The following COL23A1 variants were observed in gnomAD, a reference collection of about 807,000 sequenced individuals.
The protein encoded by COL23A1 is collagen type XXIII alpha 1 chain, also known as collagen alpha-1(XXIII) chain.
Under a neutral mutation model 99.3 loss-of-function variants are expected in COL23A1, and 97 were observed. The observed-to-expected ratio is 0.98, with a 90% CI of 0.83 to 1.16. The LOEUF (loss-of-function observed/expected upper bound fraction) is 1.16, where lower values mean the gene tolerates loss of function less well. Among genes scored for constraint, COL23A1 ranks in the 50% most tolerant of loss-of-function variants. The pLI, the probability that COL23A1 is intolerant of heterozygous loss-of-function variation, is 0.00. For missense variants in COL23A1, 762 were observed against 757.4 expected (o/e 1.01, Z -0.07); for synonymous variants, 320 against 308.2 (o/e 1.04, Z -0.40).
Position 178,415,499 on chromosome 5 carries a change from C to T in COL23A1, c.362-108580G>A, listed in dbSNP as rs576426137. Among the ~76,000 whole-genome samples, 47 of 152,296 alleles carry T rather than the reference C, an allele frequency of 3.1e-4. No individual in the cohort carries two copies. Among genetic ancestry groups the T allele is most frequent in the African/African-American group, 1.1e-3 (47 of 41,572 alleles). ...TCTGCACAGGCTTGCTGCTGCCAGC[C>T]GGCCTCCACGAACACTTCTACTGTC... On this transcript the variant is annotated intron_variant, in intron 2 of 28. Coordinates refer to ENST00000390654, the MANE Select transcript of COL23A1 (RefSeq NM_173465.4). The surrounding 1 kb of genome is among the most constrained non-coding windows in gnomAD (Gnocchi z 4.6).
chr5:178,420,965 G>T (rs377276530), intron 2 of COL23A1, among the ~76,000 whole-genome samples: 6 of 149,094 alleles, frequency 4.0e-5, no homozygotes, highest in South Asian at 2.1e-4. Flanking sequence ...TCCCTGGCGT[G>T]GGGGGGTCAC....
chr5:178,367,831 A>G (rs972343316), intron 2 of COL23A1, among the ~76,000 whole-genome samples: 1 of 152,242 alleles, frequency 6.6e-6, no homozygotes, highest in African/African-American at 2.4e-5. Context: ...CAGGCTTCCC[A>G]GAGGTACGGG....
intron 1 of COL23A1, among the ~76,000 whole-genome samples, chr5:178,583,708 A>C (rs1193576443): frequency 6.6e-6 from 1 of 152,212 alleles, no homozygotes; most frequent in Non-Finnish European, 1.5e-5. Flanking sequence ...AGTTGCTGGA[A>C]GCTTCCCTGG....
At chr5:178,343,953 A>G (rs540782983) in intron 2 of COL23A1, among the ~76,000 whole-genome samples, 11 of 152,132 alleles carry the variant, frequency 7.2e-5, no homozygotes, top group East Asian at 1.9e-4. Flanking sequence ...GAGCCACCGT[A>G]CCCGGCCTAA....
chr5:178,375,375 T>A (rs1763017944), intron 2 of COL23A1, among the ~76,000 whole-genome samples: 3 of 152,216 alleles, frequency 2.0e-5, no homozygotes, highest in Non-Finnish European at 2.9e-5. Context: ...CCCTACCGAC[T>A]GCCTCCAGGC....
At chr5:178,462,941 C>T (rs569364180) in intron 2 of COL23A1, among the ~76,000 whole-genome samples, 74 of 152,332 alleles carry the variant, frequency 4.9e-4, no homozygotes, top group African/African-American at 1.7e-3. Flanking sequence ...AACAGGAAGG[C>T]GGCGTTTGCT....
At chr5:178,490,815 G>A (rs1354851840) in intron 2 of COL23A1, among the ~76,000 whole-genome samples, 2 of 152,130 alleles carry the variant, frequency 1.3e-5, no homozygotes, top group African/African-American at 4.8e-5. Context: ...TTTATGTTAT[G>A]TATGTTTTAC....
At chr5:178,253,767 C>A (rs569145043) in intron 16 of COL23A1, among the ~76,000 whole-genome samples, 2 of 152,050 alleles carry the variant, frequency 1.3e-5, no homozygotes, top group Admixed American at 6.5e-5. Context: ...AGGCGGGAGC[C>A]GCCGCGCCCG....
intron 2 of COL23A1, among the ~76,000 whole-genome samples, chr5:178,358,107 GTA>G (rs1166584390): frequency 2.5e-4 from 37 of 149,488 alleles, no homozygotes; most frequent in East Asian, 2.0e-4. Flanking sequence ...TAATGTGTGT[GTA>G]TGTGTATGTG....
At chr5:178,466,861 A>G (rs1454438188) in intron 2 of COL23A1, among the ~76,000 whole-genome samples, 1 of 152,196 alleles carries the variant, frequency 6.6e-6, no homozygotes, top group Non-Finnish European at 1.5e-5. Flanking sequence ...AAGTCCGAGG[A>G]AGGCAGCAGA....
chr5:178,358,571 A>T (rs112828642), intron 2 of COL23A1, among the ~76,000 whole-genome samples: 1 of 135,960 alleles, frequency 7.4e-6, no homozygotes. Context: ...TGTATGTCTA[A>T]TGTGTATGTG....
intron 1 of COL23A1, among the ~76,000 whole-genome samples, chr5:178,581,673 A>C (rs1354560000): frequency 2.0e-5 from 3 of 152,182 alleles, no homozygotes; most frequent in African/African-American, 7.2e-5. Context: ...CTTTCCCCTC[A>C]AAACCACTGA....
In COL23A1 at chr5:178,290,388, G is replaced by C. The variant is rs748683515; in HGVS notation, c.407-19C>G. 63 of 1,612,574 alleles carry C rather than the reference G, an allele frequency of 3.9e-5. No homozygotes were observed. The Admixed American group carries it at 7.3e-4, about 19-fold the overall frequency. On this transcript the variant is annotated intron_variant, in intron 3 of 28. Coordinates refer to ENST00000390654, the MANE Select transcript of COL23A1 (RefSeq NM_173465.4). ...GGAGGACCTGCAAAACACAAGCAGA[G>C]AAGCCACAGTCAGTGTGGAAGGCAG...
intron 6 of COL23A1, among the ~76,000 whole-genome samples, chr5:178,269,350 CCCACCCACCCA>C (rs1756100450): frequency 5.2e-5 from 2 of 38,502 alleles, no homozygotes; most frequent in Non-Finnish European, 1.7e-4. Context: ...CATCCATCCA[CCCACCCACCCA>C]TCCACCCACC....
chr5:178,280,182 C>A lies in COL23A1; in HGVS notation c.441+8142G>T, dbSNP rs1042191273. On this transcript the variant is annotated intron_variant, in intron 5 of 28. Transcript: ENST00000390654. The surrounding 1 kb of genome is among the most constrained non-coding windows in gnomAD (Gnocchi z 4.9). ...TGCCGAAGGCTGCCTCCAGCCCTGG[C>A]GGACTCTTGCGCTGGACTCCCGCCC... is the stretch of plus-strand genomic sequence containing the variant. Among the ~76,000 whole-genome samples the A allele has an allele frequency of 6.6e-6, 1 of 152,220 alleles. No individual in the cohort carries two copies. The highest frequency in any genetic ancestry group is 1.5e-5 in the Non-Finnish European group (1 of 68,040).
intron 18 of COL23A1, among the ~76,000 whole-genome samples, chr5:178,249,716 A>ACACACACACTCACTCTCTCTCTCTCT: frequency 3.0e-4 from 28 of 92,806 alleles, no homozygotes; most frequent in African/African-American, 5.1e-4. Context: ...ACACACACAC[A>ACACACACACTCACTCTCTCTCTCTCT]CTCTCTCTCT....
chr5:178,375,092 C>G (rs1276909197), intron 2 of COL23A1, among the ~76,000 whole-genome samples: 1 of 152,128 alleles, frequency 6.6e-6, no homozygotes, highest in Non-Finnish European at 1.5e-5. Context: ...ACTCTGCCAT[C>G]GAAAGCTGCA....
intron 2 of COL23A1, among the ~76,000 whole-genome samples, chr5:178,417,121 G>A (rs146359951): frequency 5.7e-4 from 87 of 152,366 alleles, no homozygotes; most frequent in African/African-American, 1.8e-3. Context: ...TGTCAGCAGC[G>A]TTTGGTCCTG....
intron 2 of COL23A1, among the ~76,000 whole-genome samples, chr5:178,477,531 C>A (rs1757096264): frequency 6.6e-6 from 1 of 152,190 alleles, no homozygotes; most frequent in South Asian, 2.1e-4. Context: ...TCTTTCATGT[C>A]TCCTTATTAG....
Sources: allele counts gnomAD v4.1 joint callset (sites outside exome capture counted in the v4.1 genomes callset), GRCh38; gene constraint gnomAD v4.1.1; non-coding constraint Gnocchi (gnomAD v3.1); transcripts MANE v1.5; gene names NCBI Gene and HGNC (gene_info 2026-07-23, HGNC 2026-07-21).